The following SASH1 variants were observed in gnomAD, a reference collection of about 807,000 sequenced individuals.
SASH1 encodes SAM and SH3 domain containing 1.
A neutral mutation model predicts 125.2 loss-of-function variants in SASH1; 44 were observed. The observed-to-expected ratio is 0.35, with a 90% CI of 0.28 to 0.45. The LOEUF (loss-of-function observed/expected upper bound fraction) is 0.45. Among genes scored for constraint, SASH1 ranks in the 20% least tolerant of loss-of-function variants. The pLI is 1.00. For missense variants in SASH1, 1,426 were observed against 1,614.5 expected (o/e 0.88, Z 2.00); for synonymous variants, 639 against 649.1 (o/e 0.98, Z 0.24).
chr6:148,382,758 A>G (rs1249008053), intron 1 of SASH1, among the ~76,000 whole-genome samples: 2 of 152,142 alleles, frequency 1.3e-5, no homozygotes, highest in East Asian at 3.9e-4. Flanking sequence ...CAATAGCATC[A>G]CCATGACCGT....
intron 4 of SASH1, among the ~76,000 whole-genome samples, chr6:148,460,969 G>A (rs1314385659): frequency 6.6e-6 from 1 of 152,152 alleles, no homozygotes; most frequent in Non-Finnish European, 1.5e-5. Flanking sequence ...TGGTGGAATG[G>A]GAACAGCGAG....
intron 1 of SASH1, among the ~76,000 whole-genome samples, chr6:148,360,473 G>A (rs894462668): frequency 1.3e-5 from 2 of 151,076 alleles, no homozygotes; most frequent in African/African-American, 2.4e-5. Flanking sequence ...TCAGTCTCCT[G>A]AATAGCTGGG....
At chr6:148,214,275 G>A in the SASH1 span, among the ~76,000 whole-genome samples, 1 of 152,158 alleles carries the variant, frequency 6.6e-6, no homozygotes. Context: ...AAATAGGCAT[G>A]TTCGTACAAA....
the SASH1 span, among the ~76,000 whole-genome samples, chr6:148,249,743 C>A: frequency 1.3e-5 from 2 of 152,160 alleles, no homozygotes; most frequent in East Asian, 3.8e-4. Context: ...TTCAACCTCA[C>A]AAGAGCCATG....
chr6:148,502,772 C>G (rs1236860285), intron 8 of SASH1, among the ~76,000 whole-genome samples: 3 of 152,094 alleles, frequency 2.0e-5, no homozygotes, highest in Admixed American at 2.0e-4. Flanking sequence ...GAAGTAGGGC[C>G]CCAGGGCCAT....
chr6:148,257,156 C>G, the SASH1 span, among the ~76,000 whole-genome samples: 1 of 152,050 alleles, frequency 6.6e-6, no homozygotes, highest in South Asian at 2.1e-4. Flanking sequence ...AGGATTCTAT[C>G]CAGAAGCATG....
intron 11 of SASH1, chr6:148,527,245 AC>A (rs781202411): frequency 5.4e-5 from 25 of 466,082 alleles, no homozygotes; most frequent in Non-Finnish European, 9.2e-5. Context: ...AAAGTGACTC[AC>A]ATCCCACTTT....
chr6:148,477,648 C>G (rs547115257), intron 7 of SASH1, among the ~76,000 whole-genome samples: 1 of 151,802 alleles, frequency 6.6e-6, no homozygotes, highest in Admixed American at 6.6e-5. Flanking sequence ...GCATCGGCGT[C>G]CCGAATAGCT....
At chr6:148,281,625 T>G (rs1036234634) in intron 1 of SASH1, among the ~76,000 whole-genome samples, 1 of 151,978 alleles carries the variant, frequency 6.6e-6, no homozygotes, top group Non-Finnish European at 1.5e-5. Context: ...GACCGAATTT[T>G]AAAAAGAAAA....
chr6:148,548,570 A>C lies in SASH1; in HGVS notation c.*12A>C. 11 of 1,582,004 alleles carry C rather than the reference A, an allele frequency of 7.0e-6. No individual in the cohort carries two copies. The highest frequency in any genetic ancestry group is 1.2e-5 in the South Asian group (1 of 84,696). Reference sequence around the variant, plus strand: ...CTGAGGCCATGTAGCCAGGCCCGGAATGGGCCTCTCTGGACAAGAGCCACC... The same window carrying C: ...CTGAGGCCATGTAGCCAGGCCCGGACTGGGCCTCTCTGGACAAGAGCCACC... On this transcript the variant is annotated 3_prime_UTR_variant, in exon 20 of 20. Transcript: ENST00000367467.
Position 148,513,392 on chromosome 6 carries a change from C to A in SASH1, c.730-932C>A, listed in dbSNP as rs1010294006. 4.1e-6 allele frequency: 4 copies of A among 985,462 alleles called. No individual in the cohort carries two copies. In the East Asian group the frequency reaches 3.4e-4, roughly 84 times the overall value. 61.0% of individuals were successfully genotyped at this position (985,462 alleles called of 1,614,324 possible). Reference sequence around the variant, plus strand: ...GGCATGCCCACGCACCCGTGTTGCACACTCGTTTAGTCAGAGATCTCTTAT... The same window carrying A: ...GGCATGCCCACGCACCCGTGTTGCAAACTCGTTTAGTCAGAGATCTCTTAT... On this transcript the variant is annotated intron_variant, in intron 8 of 19. Coordinates refer to ENST00000367467, the MANE Select transcript of SASH1 (RefSeq NM_015278.5).
chr6:148,513,931 GC>G (rs1780289802), intron 8 of SASH1: 3 of 989,826 alleles, frequency 3.0e-6, no homozygotes, highest in Admixed American at 1.2e-4. Context: ...TAAACAGCAA[GC>G]CCTGATGGGC....
intron 1 of SASH1, among the ~76,000 whole-genome samples, chr6:148,366,155 C>T (rs1782448429): frequency 6.6e-6 from 1 of 151,864 alleles, no homozygotes; most frequent in Admixed American, 6.6e-5. Flanking sequence ...CATGGTAGCG[C>T]TGCCTGTATT....
chr6:148,247,449 G>T, the SASH1 span, among the ~76,000 whole-genome samples: 2 of 152,236 alleles, frequency 1.3e-5, no homozygotes, highest in African/African-American at 4.8e-5. Flanking sequence ...TGTGATGGCA[G>T]AAGTCAAAGC....
rs1432869001 is a variant in SASH1 at position 148,508,902 on chromosome 6, GGAAA to G, written c.730-5414_730-5411del. The G allele has an allele frequency of 5.7e-6, 7 of 1,234,442 alleles. No homozygotes were observed. In the African/African-American group the frequency reaches 7.7e-5, roughly 14 times the overall value. 76.5% of individuals were successfully genotyped at this position (1,234,442 alleles called of 1,614,324 possible). A position where few individuals can be genotyped will look rare whatever the true frequency, so the allele number is the denominator to read the frequency against. ...GGTAAGTCACTGAATGCGTTCAATG[GGAAA>G]GAAAGAATGTGTTTTCTGTTGCTTC... On this transcript the variant is annotated intron_variant, in intron 8 of 19. Coordinates refer to ENST00000367467, the MANE Select transcript of SASH1 (RefSeq NM_015278.5).
the SASH1 span, among the ~76,000 whole-genome samples, chr6:148,251,948 T>C: frequency 2.0e-5 from 3 of 150,938 alleles, no homozygotes; most frequent in South Asian, 2.1e-4. Context: ...TTTTTTGTCC[T>C]TGCGATAGTT....
At chr6:148,240,013 C>A in the SASH1 span, 1 of 152,232 alleles carries the variant, frequency 6.6e-6, no homozygotes, top group Non-Finnish European at 1.5e-5. Flanking sequence ...TCCCAGGACA[C>A]TGACGTGTGG....
At chr6:148,194,707 A>G in the SASH1 span, among the ~76,000 whole-genome samples, 2 of 152,234 alleles carry the variant, frequency 1.3e-5, no homozygotes, top group Non-Finnish European at 2.9e-5. Flanking sequence ...GGAGATCGAG[A>G]CCATCCTGGT....
the SASH1 span, among the ~76,000 whole-genome samples, chr6:148,257,979 G>A: frequency 6.6e-6 from 1 of 152,096 alleles, no homozygotes; most frequent in African/African-American, 2.4e-5. Flanking sequence ...CTGGAAGATG[G>A]GAATTGTTAC....
Sources: gnomAD v4.1 joint callset for allele counts (sites outside exome capture counted in the v4.1 genomes callset) on GRCh38, gnomAD v4.1.1 for gene constraint, MANE v1.5 for transcripts, NCBI Gene and HGNC (gene_info 2026-07-23, HGNC 2026-07-21) for gene names.